Variants in FAM20C observed in about 807,000 individuals in gnomAD.
The protein encoded by FAM20C is FAM20C golgi associated secretory pathway kinase.
FAM20C carries 40 observed loss-of-function variants against 51.5 expected under a neutral mutation model. That is an observed-to-expected ratio of 0.78 (90% confidence interval 0.60 to 1.01). FAM20C has a LOEUF of 1.01. Among genes scored for constraint, FAM20C ranks in the 50% least tolerant of loss-of-function variants. FAM20C has a pLI of 0.00. For missense variants in FAM20C, 861 were observed against 844.7 expected (o/e 1.02, Z -0.24); for synonymous variants, 406 against 380.6 (o/e 1.07, Z -0.78).
intron 2 of FAM20C, among the ~76,000 whole-genome samples, chr7:198,311 G>A (rs757165962): frequency 6.6e-5 from 10 of 152,288 alleles, no homozygotes; most frequent in South Asian, 2.1e-4. Flanking sequence ...GAGTGGAAGT[G>A]GGCAAATGGA....
chr7:198,705 C>G (rs1458604037), intron 2 of FAM20C, among the ~76,000 whole-genome samples: 1 of 152,180 alleles, frequency 6.6e-6, no homozygotes, highest in Non-Finnish European at 1.5e-5. Context: ...TGTGCAAATA[C>G]GAGTAAAGAG....
rs60189270 is a variant in FAM20C, at chr7:230,378, G to GT, written c.864-16037_864-16036insT. On this transcript the variant is annotated intron_variant, in intron 3 of 9. Coordinates refer to ENST00000313766, the MANE Select transcript of FAM20C (RefSeq NM_020223.4). ...TCTTGTCCCCAGGACGGGGTGGGGG[G>GT]GGGGGGGAACAGATCCCCGTGGCTT... Among the ~76,000 whole-genome samples, 8 of 106,230 alleles carry GT rather than the reference G, an allele frequency of 7.5e-5. 1 individual carries two copies. Among genetic ancestry groups the GT allele is most frequent in the East Asian group, 6.7e-4 (2 of 2,994 alleles). The allele number at this position is 106,230 out of a possible 152,430, so 69.7% of individuals were successfully genotyped here.
At chr7:251,757 C>T (rs1788411806) in intron 5 of FAM20C, among the ~76,000 whole-genome samples, 1 of 152,148 alleles carries the variant, frequency 6.6e-6, no homozygotes, top group African/African-American at 2.4e-5. Flanking sequence ...CCAGCAGCTT[C>T]CCTGGCCACT....
intron 2 of FAM20C, among the ~76,000 whole-genome samples, chr7:201,763 C>G (rs549480925): frequency 1.4e-4 from 21 of 152,200 alleles, no homozygotes; most frequent in African/African-American, 5.1e-4. Flanking sequence ...CAACTGCATA[C>G]GAACATCGCC....
chr7:233,896 A>G (rs2115124133), intron 3 of FAM20C, among the ~76,000 whole-genome samples: 1 of 152,334 alleles, frequency 6.6e-6, no homozygotes, highest in African/African-American at 2.4e-5. Flanking sequence ...GTTGTTTTTC[A>G]GAGCTGAGGG....
chr7:201,086 C>A (rs914288882), intron 2 of FAM20C, among the ~76,000 whole-genome samples: 1 of 152,206 alleles, frequency 6.6e-6, no homozygotes, highest in East Asian at 1.9e-4. Context: ...GTGACCTGAG[C>A]TCTCCCGGTG....
At chr7:209,834 A>C (rs1786618416) in intron 3 of FAM20C, among the ~76,000 whole-genome samples, 1 of 152,204 alleles carries the variant, frequency 6.6e-6, no homozygotes, top group Admixed American at 6.5e-5. Context: ...TGCAGGTAAA[A>C]CAAAATATAG....
At chr7:203,058 G>A (rs1786205194) in intron 2 of FAM20C, among the ~76,000 whole-genome samples, 1 of 152,186 alleles carries the variant, frequency 6.6e-6, no homozygotes, top group South Asian at 2.1e-4. Context: ...AGGTGGGAGA[G>A]GGCTTAGCAG....
At chr7:195,509 GC>G in intron 1 of FAM20C, 44 bp from the exon 2 acceptor site, 1 of 1,440,384 alleles carries the variant, frequency 6.9e-7, no homozygotes, top group Non-Finnish European at 9.2e-7. Context: ...CGACTCACGG[GC>G]CTGTTCTTTC....
At chr7:247,712 C>T (rs1788223704) in intron 4 of FAM20C, among the ~76,000 whole-genome samples, 2 of 152,152 alleles carry the variant, frequency 1.3e-5, no homozygotes, top group Admixed American at 1.3e-4. Flanking sequence ...GGAAACAGCC[C>T]CCCTCGGGTC....
intron 3 of FAM20C, among the ~76,000 whole-genome samples, chr7:243,885 C>T (rs1022056455): frequency 6.6e-6 from 1 of 150,856 alleles, no homozygotes; most frequent in Non-Finnish European, 1.5e-5. Context: ...ATTCTGACTG[C>T]CCAACTGATA....
chr7:205,629 C>T (rs1054781352), intron 2 of FAM20C, among the ~76,000 whole-genome samples: 18 of 152,286 alleles, frequency 1.2e-4, no homozygotes, highest in African/African-American at 2.2e-4. Flanking sequence ...CCTGAGGTCG[C>T]GTCGGAGCCC....
At chr7:201,977 T>C (rs532106174) in intron 2 of FAM20C, among the ~76,000 whole-genome samples, 165 of 152,362 alleles carry the variant, frequency 1.1e-3, no homozygotes, top group African/African-American at 3.6e-3. Flanking sequence ...AGATTAATAA[T>C]GATGAATCAA....
At chr7:223,807 C>T (rs1469103239) in intron 3 of FAM20C, among the ~76,000 whole-genome samples, 2 of 152,196 alleles carry the variant, frequency 1.3e-5, no homozygotes, top group Non-Finnish European at 2.9e-5. Context: ...GAAAAATGAA[C>T]TTTTTTCATT....
At chr7:195,411 C>T (rs1785809862) in intron 1 of FAM20C, 143 bp from the exon 2 acceptor site, 2 of 703,626 alleles carry the variant, frequency 2.8e-6, no homozygotes, top group South Asian at 3.9e-5. Flanking sequence ...TTGCAGGGCC[C>T]TCTTTAAGCA....
At chr7:230,385 G>GGGGGGGGGGA (rs56402190) in intron 3 of FAM20C, among the ~76,000 whole-genome samples, 1 of 104,538 alleles carries the variant, frequency 9.6e-6, no homozygotes, top group Non-Finnish European at 2.1e-5. Context: ...GGGGGGGGGG[G>GGGGGGGGGGA]AACAGATCCC....
rs1325492373 is a variant in FAM20C, at chr7:223,421, A to G, written c.863+14445A>G. ...GAATGATCACAGAGCCTGCCGGGGT[A>G]GAGGCCAAGGAGCCCGTCTGTCTCG... is the stretch of plus-strand genomic sequence containing the variant. On this transcript the variant is annotated intron_variant, in intron 3 of 9. Coordinates refer to ENST00000313766, the MANE Select transcript of FAM20C (RefSeq NM_020223.4). Among the ~76,000 whole-genome samples, 5 of 152,298 alleles carry G rather than the reference A, an allele frequency of 3.3e-5. No homozygotes were observed. In the South Asian group the frequency reaches 8.3e-4, roughly 25 times the overall value.
chr7:256,214 C>T (rs1165417008), intron 6 of FAM20C, 185 bp downstream of exon 6: 14 of 775,372 alleles, frequency 1.8e-5, no homozygotes, highest in African/African-American at 5.3e-5. Context: ...GTCCTTACTC[C>T]AGTATTTCCA....
chr7:257,941 GCCC>G (rs1562401189), intron 8 of FAM20C, among the ~76,000 whole-genome samples: 4 of 131,096 alleles, frequency 3.1e-5, no homozygotes, highest in African/African-American at 3.3e-5. Context: ...TGCTGGAGAT[GCCC>G]GGGGTGGACC....
Sources: gnomAD v4.1 joint callset for allele counts (sites outside exome capture counted in the v4.1 genomes callset) on GRCh38, gnomAD v4.1.1 for gene constraint, MANE v1.5 for transcripts, NCBI Gene and HGNC (gene_info 2026-07-23, HGNC 2026-07-21) for gene names.